Variants in MED13L observed in about 807,000 individuals in gnomAD.
MED13L encodes mediator of RNA polymerase II transcription subunit 13-like.
A neutral mutation model predicts 220.9 loss-of-function variants in MED13L; 7 were observed. That is an observed-to-expected ratio of 0.03 (90% CI 0.02 to 0.06). The LOEUF (loss-of-function observed/expected upper bound fraction) is 0.06, where lower values mean the gene tolerates loss of function less well. Among genes scored for constraint, MED13L ranks in the 10% least tolerant of loss-of-function variants. The probability of loss-of-function intolerance (pLI) is 1.00; values close to 1 mark genes in which losing one functional copy is unlikely to be tolerated. For synonymous variants in MED13L, 1,011 were observed against 1,015.2 expected, an observed-to-expected ratio of 1.00 and a Z score of 0.08; for missense variants, 1,965 against 2,760.5, an observed-to-expected ratio of 0.71 and a Z score of 6.46.
At chr12:116,060,693 T>C (rs1215787027) in intron 4 of MED13L, among the ~76,000 whole-genome samples, 2 of 152,170 alleles carry the variant, frequency 1.3e-5, no homozygotes, top group Admixed American at 1.3e-4. Context: ...AAAACAGTAT[T>C]AAAAATTGGA....
At chr12:116,219,105 A>C (rs1883167917) in intron 2 of MED13L, among the ~76,000 whole-genome samples, 1 of 152,232 alleles carries the variant, frequency 6.6e-6, no homozygotes, top group African/African-American at 2.4e-5. Context: ...ACACCATTCT[A>C]GTCAGTTCAA....
At chr12:116,236,020 A>C (rs890101143) in intron 2 of MED13L, among the ~76,000 whole-genome samples, 2 of 152,198 alleles carry the variant, frequency 1.3e-5, no homozygotes, top group African/African-American at 4.8e-5. Flanking sequence ...AAGTAAAAAT[A>C]TGTTTTCATA....
At chr12:116,240,391 G>A (rs540033995) in intron 1 of MED13L, among the ~76,000 whole-genome samples, 4 of 151,284 alleles carry the variant, frequency 2.6e-5, no homozygotes, top group Non-Finnish European at 4.4e-5. Context: ...GAGCCACTGC[G>A]CCTGGCCAAG....
At chr12:116,013,576 C>A (rs182818908) in intron 8 of MED13L, among the ~76,000 whole-genome samples, 1 of 152,126 alleles carries the variant, frequency 6.6e-6, no homozygotes, top group Non-Finnish European at 1.5e-5. Context: ...CAAACACTTC[C>A]GGTCCCACGA....
At chr12:116,140,458 A>C (rs1008913698) in intron 2 of MED13L, among the ~76,000 whole-genome samples, 21 of 152,192 alleles carry the variant, frequency 1.4e-4, no homozygotes, top group Non-Finnish European at 3.1e-4. Flanking sequence ...ACAGTGACAA[A>C]TGAGGATGTT....
chr12:116,064,891 A>G (rs930778531), intron 4 of MED13L, among the ~76,000 whole-genome samples: 1 of 152,204 alleles, frequency 6.6e-6, no homozygotes, highest in Non-Finnish European at 1.5e-5. Flanking sequence ...TTACATCCCC[A>G]GCATCTAGCA....
intron 23 of MED13L, among the ~76,000 whole-genome samples, chr12:115,976,283 G>A (rs1039004258): frequency 2.6e-5 from 4 of 152,192 alleles, no homozygotes; most frequent in African/African-American, 7.2e-5. Flanking sequence ...AACAGTGAAA[G>A]AGATAATAAA....
intron 2 of MED13L, among the ~76,000 whole-genome samples, chr12:116,152,077 G>C (rs192796990): frequency 1.4e-4 from 22 of 152,066 alleles, no homozygotes; most frequent in African/African-American, 5.3e-4. Context: ...GTATTTGCAG[G>C]CTCTATCCTA....
intron 2 of MED13L, among the ~76,000 whole-genome samples, chr12:116,117,678 A>T (rs976998784): frequency 2.0e-5 from 3 of 152,118 alleles, no homozygotes; most frequent in Non-Finnish European, 1.5e-5. Flanking sequence ...AAAAAAAAAA[A>T]GTTTGAGTAA....
At chr12:116,060,663 G>T (rs1869392435) in intron 4 of MED13L, among the ~76,000 whole-genome samples, 1 of 151,320 alleles carries the variant, frequency 6.6e-6, no homozygotes, top group African/African-American at 2.4e-5. Context: ...ACAATTAACT[G>T]AAAGTACTAC....
chr12:116,262,290 A>G (rs1199023601), intron 1 of MED13L, among the ~76,000 whole-genome samples: 1 of 152,218 alleles, frequency 6.6e-6, no homozygotes, highest in Non-Finnish European at 1.5e-5. Flanking sequence ...CTAAAGAGTT[A>G]TGTTCACATA....
chr12:115,999,233 C>T (rs148865897), intron 14 of MED13L, among the ~76,000 whole-genome samples: 58 of 152,048 alleles, frequency 3.8e-4, no homozygotes, highest in African/African-American at 1.3e-3. Context: ...GGCAATATGG[C>T]GAAATCCTGT....
intron 2 of MED13L, among the ~76,000 whole-genome samples, chr12:116,196,239 A>G (rs1344848983): frequency 2.6e-5 from 4 of 152,156 alleles, no homozygotes; most frequent in Non-Finnish European, 4.4e-5. Flanking sequence ...TAATTTTTAA[A>G]TTATATTTTT....
At chr12:116,257,645 T>G (rs1207417961) in intron 1 of MED13L, among the ~76,000 whole-genome samples, 1 of 152,234 alleles carries the variant, frequency 6.6e-6, no homozygotes, top group Non-Finnish European at 1.5e-5. Context: ...AGATTACTTT[T>G]TAAGCTATTT....
At chr12:115,984,400 A>G (rs369969104) in intron 19 of MED13L, 28 bp from the exon 20 acceptor site, 30 of 1,611,834 alleles carry the variant, frequency 1.9e-5, no homozygotes, top group African/African-American at 6.7e-5. Context: ...ATCATTAGTT[A>G]TAACAGGAGC....
intron 1 of MED13L, among the ~76,000 whole-genome samples, chr12:116,269,365 GGTAT>G (rs1340945062): frequency 6.7e-6 from 1 of 150,160 alleles, no homozygotes; most frequent in Non-Finnish European, 1.5e-5. Context: ...CTATCATCTA[GGTAT>G]TAAGCCCAGC....
chr12:116,220,303 T>G (rs1883235709), intron 2 of MED13L, among the ~76,000 whole-genome samples: 1 of 152,220 alleles, frequency 6.6e-6, no homozygotes, highest in Non-Finnish European at 1.5e-5. Flanking sequence ...TAAACTCTAT[T>G]GCCTCCTACT....
intron 4 of MED13L, among the ~76,000 whole-genome samples, chr12:116,055,065 A>G (rs1377066315): frequency 1.3e-5 from 2 of 152,226 alleles, no homozygotes; most frequent in Non-Finnish European, 2.9e-5. Flanking sequence ...TAAGATACAA[A>G]ACTCAGCATA....
At chr12:116,234,360 T>TG (rs1419398181) in intron 2 of MED13L, among the ~76,000 whole-genome samples, 70 of 152,144 alleles carry the variant, frequency 4.6e-4, no homozygotes, top group African/African-American at 1.6e-3. Context: ...CTCCAGTAGC[T>TG]GGGATTACAG....
Sources: gnomAD v4.1 joint callset for allele counts (sites outside exome capture counted in the v4.1 genomes callset) on GRCh38, gnomAD v4.1.1 for gene constraint, MANE v1.5 for transcripts, NCBI Gene and HGNC (gene_info 2026-07-23, HGNC 2026-07-21) for gene names.